Variants in CD2AP observed in about 807,000 individuals in gnomAD.
The protein encoded by CD2AP is CD2-associated protein.
A neutral mutation model predicts 85.1 loss-of-function variants in CD2AP; 46 were observed. The observed-to-expected ratio is 0.54, with a 90% CI of 0.43 to 0.69. The LOEUF is 0.69. Among genes scored for constraint, CD2AP ranks in the 30% least tolerant of loss-of-function variants. CD2AP has a pLI of 0.00. For missense variants in CD2AP, 769 were observed against 729.5 expected, an observed-to-expected ratio of 1.05 and a Z score of -0.62; for synonymous variants, 255 against 252.9, an observed-to-expected ratio of 1.01 and a Z score of -0.08.
Position 47,503,457 on chromosome 6 carries a change from A to G in CD2AP, c.165+17A>G, listed in dbSNP as rs372563870. 148 of 1,603,558 alleles carry G rather than the reference A, an allele frequency of 9.2e-5. No homozygotes were observed. Among genetic ancestry groups the G allele is most frequent in the Middle Eastern group, 6.6e-4 (4 of 6,062 alleles). On this transcript the variant is annotated intron_variant, in intron 2 of 17. Transcript: ENST00000359314. ...TTCGTTAAGGTAAGTATTTTCAGTTAAATTTCTAGCTCTTGCTTCATAGGA... is the reference window on the plus strand; with the variant it reads ...TTCGTTAAGGTAAGTATTTTCAGTTGAATTTCTAGCTCTTGCTTCATAGGA...
intron 2 of CD2AP, among the ~76,000 whole-genome samples, chr6:47,517,101 G>T (rs1766469167): frequency 6.6e-6 from 1 of 152,068 alleles, no homozygotes; most frequent in East Asian, 1.9e-4. Flanking sequence ...GTTCACTTGG[G>T]ATCTGGCTAT....
At chr6:47,602,234 AATGAC>A (rs774956823) in intron 13 of CD2AP, among the ~76,000 whole-genome samples, 15 of 151,950 alleles carry the variant, frequency 9.9e-5, no homozygotes, top group Non-Finnish European at 2.1e-4. Context: ...TTCTTTTTTT[AATGAC>A]ATGACATAAC....
At chr6:47,616,196 G>A (rs1769582083) in intron 17 of CD2AP, among the ~76,000 whole-genome samples, 1 of 146,554 alleles carries the variant, frequency 6.8e-6, no homozygotes, top group Admixed American at 7.0e-5. Flanking sequence ...GGTTCAGGCA[G>A]TTCTCCTGCC....
chr6:47,530,558 T>C (rs1470087521), intron 2 of CD2AP, among the ~76,000 whole-genome samples: 1 of 152,256 alleles, frequency 6.6e-6, no homozygotes, highest in Non-Finnish European at 1.5e-5. Context: ...AGTGTTCCAT[T>C]GTTTATTCAT....
chr6:47,589,335 A>G (rs1452366074), intron 11 of CD2AP, among the ~76,000 whole-genome samples: 1 of 142,310 alleles, frequency 7.0e-6, no homozygotes. Context: ...TTCTCAGGAT[A>G]TATACATTTA....
At chr6:47,603,631 A>G (rs1203124112) in intron 13 of CD2AP, among the ~76,000 whole-genome samples, 1 of 152,144 alleles carries the variant, frequency 6.6e-6, no homozygotes, top group Non-Finnish European at 1.5e-5. Flanking sequence ...TAACCTGCAA[A>G]TAGTTATATG....
At chr6:47,514,601 T>C (rs1373002976) in intron 2 of CD2AP, among the ~76,000 whole-genome samples, 1 of 152,186 alleles carries the variant, frequency 6.6e-6, no homozygotes, top group Non-Finnish European at 1.5e-5. Context: ...TTTTGGGGTG[T>C]GGTGAGAAGA....
chr6:47,604,151 G>A (rs1769210909), intron 13 of CD2AP, among the ~76,000 whole-genome samples: 2 of 152,004 alleles, frequency 1.3e-5, no homozygotes, highest in South Asian at 4.1e-4. Context: ...ATTGTAAGTG[G>A]CTGGCAGAGT....
At chr6:47,606,685 C>T (rs796908802) in intron 14 of CD2AP, among the ~76,000 whole-genome samples, 1 of 151,694 alleles carries the variant, frequency 6.6e-6, no homozygotes, top group Non-Finnish European at 1.5e-5. Flanking sequence ...AAATTAACTT[C>T]AGCAGGTACA....
intron 11 of CD2AP, among the ~76,000 whole-genome samples, chr6:47,584,117 T>G (rs1029959665): frequency 6.6e-6 from 1 of 152,230 alleles, no homozygotes; most frequent in Non-Finnish European, 1.5e-5. Flanking sequence ...TCCTTCAGTT[T>G]CTTTCTTTGT....
At chr6:47,590,522 A>AT (rs570934143) in intron 11 of CD2AP, among the ~76,000 whole-genome samples, 11 of 152,242 alleles carry the variant, frequency 7.2e-5, no homozygotes, top group Non-Finnish European at 1.3e-4. Flanking sequence ...GTATACACAG[A>AT]TTTTTTTCAG....
intron 5 of CD2AP, among the ~76,000 whole-genome samples, chr6:47,570,452 T>A (rs190290703): frequency 4.8e-4 from 73 of 152,316 alleles, no homozygotes; most frequent in African/African-American, 1.6e-3. Flanking sequence ...AAGTACCATA[T>A]AGATAAGGTT....
intron 1 of CD2AP, among the ~76,000 whole-genome samples, chr6:47,498,365 T>C (rs982101591): frequency 4.6e-5 from 7 of 152,232 alleles, no homozygotes; most frequent in Non-Finnish European, 7.3e-5. Context: ...GTCAGAGAGC[T>C]TTCTAGGATC....
At chr6:47,558,728 AT>A (rs1313726013) in intron 5 of CD2AP, among the ~76,000 whole-genome samples, 1 of 152,164 alleles carries the variant, frequency 6.6e-6, no homozygotes, top group African/African-American at 2.4e-5. Context: ...GTTTGCCAGT[AT>A]TTTATTGAGG....
chr6:47,509,580 G>A (rs929590503), intron 2 of CD2AP, among the ~76,000 whole-genome samples: 1 of 152,192 alleles, frequency 6.6e-6, no homozygotes, highest in Admixed American at 6.5e-5. Flanking sequence ...GGCTATAGTA[G>A]GGAATTGAAT....
At chr6:47,547,208 T>C (rs559770347) in intron 4 of CD2AP, among the ~76,000 whole-genome samples, 1 of 152,282 alleles carries the variant, frequency 6.6e-6, no homozygotes, top group East Asian at 1.9e-4. Context: ...TCAATACTAA[T>C]GTTGAGTGTA....
Position 47,554,594 on chromosome 6 carries a change from G to A in CD2AP, c.421-52G>A, listed in dbSNP as rs1767625212. The A allele has an allele frequency of 2.4e-5, 38 of 1,607,958 alleles. No homozygotes were observed. In the South Asian group the frequency reaches 2.9e-4, roughly 12 times the overall value. On this transcript the variant is annotated intron_variant, in intron 4 of 17. Coordinates refer to ENST00000359314, the MANE Select transcript of CD2AP (RefSeq NM_012120.3). The stretch of plus-strand genomic sequence containing the variant: ...CAGCTTAATTTTCCCATAGGGTGAC[G>A]ATTTTCACTTAACAGAAGTTGTTTT...
intron 13 of CD2AP, among the ~76,000 whole-genome samples, chr6:47,605,054 T>C (rs1364371430): frequency 6.6e-6 from 1 of 151,998 alleles, no homozygotes; most frequent in Non-Finnish European, 1.5e-5. Context: ...TGATGATGAG[T>C]ATCTTTAGAT....
At chr6:47,599,470 C>T (rs755668250) in intron 13 of CD2AP, 27 bp downstream of exon 13, 38 of 1,590,040 alleles carry the variant, frequency 2.4e-5, no homozygotes, top group Non-Finnish European at 2.9e-5. Context: ...AGCGGTGGTG[C>T]ATTTAAAAAA....
Sources: gnomAD v4.1 joint callset for allele counts (sites outside exome capture counted in the v4.1 genomes callset) on GRCh38, gnomAD v4.1.1 for gene constraint, MANE v1.5 for transcripts, NCBI Gene and HGNC (gene_info 2026-07-23, HGNC 2026-07-21) for gene names.